The following GATC variants were observed in gnomAD, a reference collection of about 807,000 sequenced individuals.
The protein encoded by GATC is glutamyl-tRNA amidotransferase subunit C, also known as glutamyl-tRNA(Gln) amidotransferase subunit C, mitochondrial.
A neutral mutation model predicts 14.4 loss-of-function variants in GATC; 11 were observed. The ratio of observed to expected loss-of-function variants is 0.77; its 90% CI spans 0.48 to 1.27. GATC has a LOEUF of 1.27. Ranked by LOEUF, GATC falls within the 50% of genes most tolerant of loss-of-function variation. GATC has a pLI of 0.00. For missense variants in GATC, 204 were observed against 183.0 expected, an observed-to-expected ratio of 1.11 and a Z score of -0.66; for synonymous variants, 76 against 79.3, an observed-to-expected ratio of 0.96 and a Z score of 0.22.
At chr12:120,449,577 A>T (rs984962750) in intron 2 of GATC, among the ~76,000 whole-genome samples, 1 of 150,138 alleles carries the variant, frequency 6.7e-6, no homozygotes, top group African/African-American at 2.4e-5. Flanking sequence ...CTTCCCGAGC[A>T]CCCGGGATTA....
Position 120,461,852 on chromosome 12 carries a change from A to G in GATC, c.*1893A>G. The G allele has an allele frequency of 3.0e-6, 2 of 661,398 alleles. No homozygotes were observed. Among genetic ancestry groups the G allele is most frequent in the East Asian group, 3.3e-5 (1 of 29,890 alleles). The allele number at this position is 661,398 out of a possible 1,614,324, so 41.0% of individuals were successfully genotyped here. A position where few individuals can be genotyped will look rare whatever the true frequency, so the allele number is the denominator to read the frequency against. Reference sequence around the variant, plus strand: ...CAATTTCTGCAGTTTAAAATGTTTCACTGCTAATATGGCCCTGGTAGAAAT... The same window carrying G: ...CAATTTCTGCAGTTTAAAATGTTTCGCTGCTAATATGGCCCTGGTAGAAAT... On this transcript the variant is annotated 3_prime_UTR_variant, in exon 4 of 4. Transcript: ENST00000551765.
chr12:120,459,713 G>A (rs1390888477), intron 3 of GATC, among the ~76,000 whole-genome samples, 194 bp from the exon 4 acceptor site: 2 of 152,094 alleles, frequency 1.3e-5, no homozygotes, highest in African/African-American at 2.4e-5. Flanking sequence ...AAAATTAGCC[G>A]GGAGAGGTGG....
rs115350072 is a variant in GATC at position 120,459,969 on chromosome 12, T to G, written c.*10T>G. ...ATTCCCACACAGCTGAGTAGCTCAT[T>G]CTGGAAAGGGGGTACTCTGTGAACA... On this transcript the variant is annotated 3_prime_UTR_variant, in exon 4 of 4. Transcript: ENST00000551765. 6,567 of 1,606,764 alleles carry G rather than the reference T, an allele frequency of 4.1e-3. 222 individuals carry two copies. The African/African-American group carries it at 0.078, about 19-fold the overall frequency.
At position 120,446,639 on chromosome 12, in the gene GATC, G is replaced by T. The variant is rs1283240002; in HGVS notation, c.82-18G>T. The T allele has an allele frequency of 1.2e-6, 2 of 1,603,048 alleles. No individual in the cohort carries two copies. The highest frequency in any genetic ancestry group is 1.3e-5 in the African/African-American group (1 of 74,916). On this transcript the variant is annotated intron_variant, in intron 1 of 3. Coordinates refer to ENST00000551765, the MANE Select transcript of GATC (RefSeq NM_176818.3). ...GGAGCGCCGGTGACCCACACTCCCC[G>T]CCTCATCCCTCCTCCAGGGCAGTGG... is the stretch of plus-strand genomic sequence containing the variant.
intron 2 of GATC, among the ~76,000 whole-genome samples, chr12:120,456,823 T>C (rs1878196274): frequency 6.6e-6 from 1 of 152,194 alleles, no homozygotes; most frequent in Admixed American, 6.5e-5. Context: ...CAGTTGCCCA[T>C]ATAATCATCA....
rs377336416 is a variant in GATC at position 120,446,445 on chromosome 12, C to T, written c.-36C>T. 6.2e-7 allele frequency: 1 copy of T among 1,604,306 alleles called. No individual in the cohort carries two copies. Reference sequence around the variant, plus strand: ...CTCTCAGGCGCGTCGCTCGGCGTTACGCGCGGGCGCACTGCGGGGGCCAAG... The same window carrying T: ...CTCTCAGGCGCGTCGCTCGGCGTTATGCGCGGGCGCACTGCGGGGGCCAAG... On this transcript the variant is annotated 5_prime_UTR_variant, in exon 1 of 4. In the 5' UTR this introduces an upstream ATG that the reference lacks. Transcript: ENST00000551765.
chr12:120,459,861 AAAAC>A lies in GATC; in HGVS notation c.359-30_359-27del, dbSNP rs558375526. 2.7e-4 allele frequency: 417 copies of A among 1,525,242 alleles called. 1 individual carries two copies. The highest frequency in any genetic ancestry group is 5.7e-4 in the Middle Eastern group (3 of 5,302). 94.5% of individuals were successfully genotyped at this position (1,525,242 alleles called of 1,614,324 possible). ...AACAGCGAGACTCTGTCTCAAAACA[AAAAC>A]AAACAAACAAACAAAAATTCTCTTT... On this transcript the variant is annotated intron_variant, in intron 3 of 3. Transcript: ENST00000551765.
At position 120,449,778 on chromosome 12, in the gene GATC, T is replaced by TA. The variant is rs527261770; in HGVS notation, c.254+2950dup. ...AATGTTTAATGAATTTTTTTTTTTT[T>TA]AGAGACAGAGTTTTGCTCACGTTGC... On this transcript the variant is annotated intron_variant, in intron 2 of 3. Transcript: ENST00000551765. Among the ~76,000 whole-genome samples the TA allele has an allele frequency of 1.3e-4, 19 of 151,808 alleles. No homozygotes were observed. In the South Asian group the frequency reaches 3.3e-3, roughly 27 times the overall value.
At chr12:120,452,323 T>C (rs898454950) in intron 2 of GATC, among the ~76,000 whole-genome samples, 1 of 152,208 alleles carries the variant, frequency 6.6e-6, no homozygotes, top group Admixed American at 6.5e-5. Context: ...AACTCAGAGC[T>C]TCTGCTGCCA....
At chr12:120,448,288 C>G (rs1877933417) in intron 2 of GATC, among the ~76,000 whole-genome samples, 1 of 151,566 alleles carries the variant, frequency 6.6e-6, no homozygotes, top group South Asian at 2.1e-4. Context: ...AACTCCTGGT[C>G]TCAAGCAATC....
rs896029723 is a variant in GATC, at chr12:120,457,147, G to A, written c.326G>A (p.Arg109His). The change falls in exon 3 of 4, where the codon CGC (arginine) becomes CAC (histidine). Residue 109 changes from arginine to histidine, a missense_variant. By Grantham distance (29) the Arg-to-His change is conservative. Coordinates refer to ENST00000551765, the MANE Select transcript of GATC (RefSeq NM_176818.3). ...CADELLQNSH[R>H]VVEEYFVAPP... ...GATGAATTACTACAAAACTCCCATC[G>A]CGTCGTGGAGGAGTACTTTGTGGCC... 6 of 1,613,836 alleles carry A rather than the reference G, an allele frequency of 3.7e-6. No individual in the cohort carries two copies. Among genetic ancestry groups the A allele is most frequent in the East Asian group, 2.2e-5 (1 of 44,898 alleles).
chr12:120,450,679 T>G (rs1464887635), intron 2 of GATC: 1 of 153,818 alleles, frequency 6.5e-6, no homozygotes, highest in African/African-American at 2.4e-5. Flanking sequence ...TTTAAGAGCC[T>G]GAGGGGCACA....
rs150028178 is a variant in GATC, at chr12:120,462,445, C to T, written c.*2486C>T. On this transcript the variant is annotated 3_prime_UTR_variant, in exon 4 of 4. Coordinates refer to ENST00000551765, the MANE Select transcript of GATC (RefSeq NM_176818.3). ...TTGATACTCAATTAACTATGATAAA[C>T]AATATATCTGAATTACTGCCATTGA... is the stretch of plus-strand genomic sequence containing the variant. The T allele has an allele frequency of 2.3e-3, 659 of 280,662 alleles. 2 individuals are homozygous for T. Among genetic ancestry groups the T allele is most frequent in the African/African-American group, 0.014 (619 of 45,248 alleles). 17.4% of individuals were successfully genotyped at this position (280,662 alleles called of 1,614,324 possible).
rs1194867811 is a variant in GATC, at chr12:120,451,377, G to C, written c.254+4548G>C. Among the ~76,000 whole-genome samples the C allele has an allele frequency of 3.3e-5, 5 of 152,112 alleles. No individual in the cohort carries two copies. In the East Asian group the frequency reaches 9.7e-4, roughly 29 times the overall value. ...GAGAATCGGTTGAACCAGGACGGCA[G>C]AGGTTGCAGTCAGCCAAGATGGAGC... On this transcript the variant is annotated intron_variant, in intron 2 of 3. Transcript: ENST00000551765.
intron 2 of GATC, among the ~76,000 whole-genome samples, chr12:120,456,027 T>C (rs530732702): frequency 2.0e-5 from 3 of 152,330 alleles, no homozygotes; most frequent in African/African-American, 4.8e-5. Context: ...CAGATGTACC[T>C]GTCACATCTT....
intron 2 of GATC, among the ~76,000 whole-genome samples, chr12:120,451,737 A>C (rs1878051014): frequency 6.6e-6 from 1 of 151,712 alleles, no homozygotes; most frequent in African/African-American, 2.4e-5. Flanking sequence ...GCAAGACTCC[A>C]TCTCAAAAAA....
chr12:120,455,201 C>T (rs1352883460), intron 2 of GATC, among the ~76,000 whole-genome samples: 1 of 150,958 alleles, frequency 6.6e-6, no homozygotes, highest in South Asian at 2.1e-4. Flanking sequence ...TTTCTTCTTG[C>T]TCTGTCGCCC....
At chr12:120,457,022 C>A in intron 2 of GATC, 54 bp from the exon 3 acceptor site, 1 of 1,137,446 alleles carries the variant, frequency 8.8e-7, no homozygotes, top group Non-Finnish European at 1.3e-6. Flanking sequence ...TCTCCATCAT[C>A]CCCTAAAAGC....
intron 3 of GATC, among the ~76,000 whole-genome samples, 192 bp from the exon 4 acceptor site, chr12:120,459,715 G>A (rs1191025948): frequency 6.6e-6 from 1 of 152,184 alleles, no homozygotes; most frequent in Non-Finnish European, 1.5e-5. Flanking sequence ...AATTAGCCGG[G>A]AGAGGTGGCG....
Sources: gnomAD v4.1 joint callset for allele counts (sites outside exome capture counted in the v4.1 genomes callset) on GRCh38, gnomAD v4.1.1 for gene constraint, MANE v1.5 for transcripts, NCBI Gene and HGNC (gene_info 2026-07-23, HGNC 2026-07-21) for gene names.